Variants in MGMT observed in about 807,000 individuals in gnomAD.
MGMT encodes methylated-DNA--protein-cysteine methyltransferase.
Under a neutral mutation model 15.9 loss-of-function variants are expected in MGMT, and 14 were observed. The observed-to-expected ratio is 0.88, with a 90% confidence interval of 0.58 to 1.37. The LOEUF (loss-of-function observed/expected upper bound fraction) is 1.37, where lower values mean the gene tolerates loss of function less well. Ranked by LOEUF, MGMT falls within the 40% of genes most tolerant of loss-of-function variation. The pLI, the probability that MGMT is intolerant of heterozygous loss-of-function variation, is 0.00. For synonymous variants in MGMT, 130 were observed against 118.2 expected, an observed-to-expected ratio of 1.10 and a Z score of -0.65; for missense variants, 282 against 268.1, an observed-to-expected ratio of 1.05 and a Z score of -0.36.
In MGMT at chr10:129,556,679, G is replaced by T. The variant is rs957580270; in HGVS notation, c.125+20302G>T. 1.3e-5 allele frequency among the ~76,000 whole-genome samples: 2 copies of T among 152,198 alleles called. No individual in the cohort carries two copies. The highest frequency in any genetic ancestry group is 1.3e-4 in the Admixed American group (2 of 15,288). ...AACACCGACGGCAAAGTCAGGACGG[G>T]CAGGAGCGTTCTAGGCAAATGATGA... is the stretch of plus-strand genomic sequence containing the variant. On this transcript the variant is annotated intron_variant, in intron 2 of 4. Transcript: ENST00000651593. This position sits in a 1 kb window ranked among gnomAD's most constrained non-coding sequence, Gnocchi z 4.3.
chr10:129,604,922 C>G (rs1214206515), intron 2 of MGMT, among the ~76,000 whole-genome samples: 1 of 152,284 alleles, frequency 6.6e-6, no homozygotes, highest in East Asian at 1.9e-4. Flanking sequence ...AAGAAGTGAA[C>G]GGAATCACAG....
At chr10:129,710,588 G>A (rs1036937372) in intron 3 of MGMT, among the ~76,000 whole-genome samples, 2 of 152,228 alleles carry the variant, frequency 1.3e-5, no homozygotes, top group Non-Finnish European at 2.9e-5. Context: ...AAGAAGGGGA[G>A]GTGGATGGTG....
intron 2 of MGMT, among the ~76,000 whole-genome samples, chr10:129,550,992 C>A (rs945226): frequency 6.6e-6 from 1 of 152,130 alleles, no homozygotes; most frequent in African/African-American, 2.4e-5. Flanking sequence ...GGCACTTCTT[C>A]GTCAGGACAT....
chr10:129,593,726 C>T (rs1260621811), intron 2 of MGMT, among the ~76,000 whole-genome samples: 1 of 152,138 alleles, frequency 6.6e-6, no homozygotes, highest in African/African-American at 2.4e-5. Flanking sequence ...GAAAGTACGC[C>T]ACAGACACCC....
At chr10:129,569,758 G>A (rs565809414) in intron 2 of MGMT, among the ~76,000 whole-genome samples, 17 of 152,238 alleles carry the variant, frequency 1.1e-4, no homozygotes, top group African/African-American at 2.9e-4. Flanking sequence ...GTGCTGTCTC[G>A]GCAGTGCCAC....
At chr10:129,567,261 C>G (rs1846366947) in intron 2 of MGMT, among the ~76,000 whole-genome samples, 1 of 152,142 alleles carries the variant, frequency 6.6e-6, no homozygotes, top group African/African-American at 2.4e-5. Context: ...TAGTTCTCAG[C>G]TCTAAGGGGC....
chr10:129,703,892 C>T (rs1294560258), intron 2 of MGMT, among the ~76,000 whole-genome samples: 1 of 152,018 alleles, frequency 6.6e-6, no homozygotes, highest in Admixed American at 6.6e-5. Flanking sequence ...GTTTTGTTTC[C>T]TCAGTTGAAG....
chr10:129,547,715 T>C (rs1846112457), intron 2 of MGMT, among the ~76,000 whole-genome samples: 1 of 152,192 alleles, frequency 6.6e-6, no homozygotes, highest in African/African-American at 2.4e-5. Flanking sequence ...AGGTGAAGCA[T>C]TAGGAAATGC....
intron 1 of MGMT, among the ~76,000 whole-genome samples, chr10:129,471,813 C>G (rs1270578260): frequency 6.6e-6 from 1 of 152,162 alleles, no homozygotes; most frequent in Non-Finnish European, 1.5e-5. Context: ...CCAGCCCAGG[C>G]AAGATCCGAG....
chr10:129,589,553 T>A (rs1846657670), intron 2 of MGMT, among the ~76,000 whole-genome samples: 1 of 152,250 alleles, frequency 6.6e-6, no homozygotes, highest in African/African-American at 2.4e-5. Flanking sequence ...AAACTGAAAC[T>A]TTCCATTATT....
intron 2 of MGMT, among the ~76,000 whole-genome samples, chr10:129,673,924 G>A (rs1362749154): frequency 6.6e-6 from 1 of 152,050 alleles, no homozygotes; most frequent in Admixed American, 6.5e-5. Context: ...ATATTTTAAA[G>A]TATTGATTTG....
At chr10:129,654,612 A>T (rs758062091) in intron 2 of MGMT, among the ~76,000 whole-genome samples, 5 of 151,902 alleles carry the variant, frequency 3.3e-5, no homozygotes, top group Non-Finnish European at 7.4e-5. Context: ...GCTGTGAGGG[A>T]CCTGCTGCCT....
intron 2 of MGMT, among the ~76,000 whole-genome samples, chr10:129,600,592 G>A (rs960269404): frequency 2.0e-5 from 3 of 152,228 alleles, no homozygotes; most frequent in Non-Finnish European, 4.4e-5. Context: ...CATTGAGCTA[G>A]CAAGAGCAAC....
intron 3 of MGMT, among the ~76,000 whole-genome samples, chr10:129,750,544 C>T (rs1848740975): frequency 6.6e-6 from 1 of 152,096 alleles, no homozygotes; most frequent in East Asian, 1.9e-4. Context: ...GACTTTTTCT[C>T]CTTGTCATTA....
chr10:129,632,396 T>C (rs1847219898), intron 2 of MGMT, among the ~76,000 whole-genome samples: 1 of 152,190 alleles, frequency 6.6e-6, no homozygotes, highest in Non-Finnish European at 1.5e-5. Context: ...CACTGAGTAG[T>C]GATCCGGGTC....
At chr10:129,555,114 A>G (rs1040216820) in intron 2 of MGMT, among the ~76,000 whole-genome samples, 11 of 152,318 alleles carry the variant, frequency 7.2e-5, no homozygotes, top group African/African-American at 1.7e-4. Flanking sequence ...TGCTATTTCT[A>G]CCACTTCCTA....
rs961192410 is a variant in MGMT, at chr10:129,738,029, G to A, written c.275-21173G>A. 2.6e-5 allele frequency among the ~76,000 whole-genome samples: 4 copies of A among 152,356 alleles called. No homozygotes were observed. The South Asian group carries it at 8.3e-4, about 32-fold the overall frequency. On this transcript the variant is annotated intron_variant, in intron 3 of 4. Coordinates refer to ENST00000651593, the MANE Select transcript of MGMT (RefSeq NM_002412.5). Reference sequence around the variant, plus strand: ...TTTGTTGGTCTGTGCCCTGCCCCCAGAGGTGGAGCCTACAGAGGCAGGCAG... The same window carrying A: ...TTTGTTGGTCTGTGCCCTGCCCCCAAAGGTGGAGCCTACAGAGGCAGGCAG...
rs1263636141 is a variant in MGMT at position 129,767,836 on chromosome 10, A to C, written c.*839A>C. The C allele has an allele frequency of 6.6e-6, 1 of 152,194 alleles. No homozygotes were observed. The highest frequency in any genetic ancestry group is 1.5e-5 in the Non-Finnish European group (1 of 68,052). The allele number at this position is 152,194 out of a possible 1,614,324, so 9.4% of individuals were successfully genotyped here. On this transcript the variant is annotated 3_prime_UTR_variant, in exon 5 of 5. Transcript: ENST00000651593. ...CCCAGCACCCCAGTGTCGATCCTGG[A>C]AGTCAAAGGTCACGACTGTGGGGGG... is the stretch of plus-strand genomic sequence containing the variant.
intron 2 of MGMT, among the ~76,000 whole-genome samples, chr10:129,670,266 T>C (rs1424349323): frequency 6.6e-6 from 1 of 152,190 alleles, no homozygotes; most frequent in Non-Finnish European, 1.5e-5. Context: ...AGCCAACTAA[T>C]CCTTTTTTGC....
Sources: allele counts gnomAD v4.1 joint callset (sites outside exome capture counted in the v4.1 genomes callset), GRCh38; gene constraint gnomAD v4.1.1; non-coding constraint Gnocchi (gnomAD v3.1); transcripts MANE v1.5; gene names NCBI Gene and HGNC (gene_info 2026-07-23, HGNC 2026-07-21).